The following MUC4 variants were observed in gnomAD, a reference collection of about 807,000 sequenced individuals.
MUC4 encodes the protein mucin 4, cell surface associated, also known as mucin-4.
In MUC4, 202 loss-of-function variants were observed where a neutral mutation model predicts 257.9. The ratio of observed to expected loss-of-function variants is 0.78; its 90% confidence interval spans 0.70 to 0.88. The LOEUF (loss-of-function observed/expected upper bound fraction) is 0.88. Among genes scored for constraint, MUC4 ranks in the 40% least tolerant of loss-of-function variants. MUC4 has a pLI of 0.00. For synonymous variants in MUC4, 2,351 were observed against 2,757.1 expected, an observed-to-expected ratio of 0.85 and a Z score of 4.62; for missense variants, 5,976 against 6,513.7, an observed-to-expected ratio of 0.92 and a Z score of 2.84.
Position 195,781,523 on chromosome 3 carries a change from C to G in MUC4, c.10057G>C (p.Val3353Leu). The G allele has an allele frequency of 2.0e-6, 3 of 1,468,158 alleles. No individual in the cohort carries two copies. The highest frequency in any genetic ancestry group is 2.7e-6 in the Non-Finnish European group (3 of 1,092,336). The allele number at this position is 1,468,158 out of a possible 1,614,324, so 90.9% of individuals were successfully genotyped here. The stretch of plus-strand genomic sequence containing the variant: ...AGAGGGGTGGCGTGACCTGTGGATA[C>G]TGAGGAAGTGTCGGTGACAGGCACA... ...TPVPVTDTSS[V>L]STGHATPLPV... is the part of the protein sequence containing the mutation. Residue 3353 changes from valine (V) to leucine (L), a missense_variant, in exon 2 of 25, where the codon GTA becomes CTA. Coordinates refer to ENST00000463781, the MANE Select transcript of MUC4 (RefSeq NM_018406.7).
At position 195,788,270 on chromosome 3, in the gene MUC4, A is replaced by T. The variant is rs71321850; in HGVS notation, c.3310T>A (p.Ser1104Thr). Residue 1104 changes from serine (S) to threonine (T), a missense_variant, in exon 2 of 25, where the codon TCT (serine) becomes ACT (threonine). Coordinates refer to ENST00000463781, the MANE Select transcript of MUC4 (RefSeq NM_018406.7). ...GAGGAAGTGTCGGTGACAGGAAGAG[A>T]GGTGGCGTGACCTGTGGATGCTGAG... ...TSSASTGHAT[S>T]LPVTDTSSVS... 8.1e-6 allele frequency: 3 copies of T among 369,016 alleles called. No individual in the cohort carries two copies. Among genetic ancestry groups the T allele is most frequent in the Non-Finnish European group, 1.0e-5 (3 of 296,850 alleles). 22.9% of individuals were successfully genotyped at this position (369,016 alleles called of 1,614,324 possible). A position where few individuals can be genotyped will look rare whatever the true frequency, so the allele number is the denominator to read the frequency against.
chr3:195,747,607 G>A (rs1389222512), intron 24 of MUC4, among the ~76,000 whole-genome samples: 3 of 152,280 alleles, frequency 2.0e-5, no homozygotes, highest in African/African-American at 7.2e-5. Context: ...GCTCACGCCT[G>A]TAATCCCAGC....
chr3:195,800,890 GAAAAAAAAA>G (rs59625247), intron 1 of MUC4, among the ~76,000 whole-genome samples: 1 of 91,336 alleles, frequency 1.1e-5, no homozygotes, highest in Non-Finnish European at 2.1e-5. Context: ...CCCCTTCTCT[GAAAAAAAAA>G]AAAAAAAAAA....
Position 195,748,884 on chromosome 3 carries a change from G to A in MUC4, c.16034+18C>T. 1 of 1,546,826 alleles carries A rather than the reference G, an allele frequency of 6.5e-7. No homozygotes were observed. The highest frequency in any genetic ancestry group is 8.7e-7 in the Non-Finnish European group (1 of 1,150,308). On this transcript the variant is annotated intron_variant, in intron 24 of 24. Transcript: ENST00000463781. ...TCCCCAGCACTGTCCTCCACCTCCTGGCCACAGCCCTATGCACCTGCAGCG... is the reference window on the plus strand; with the variant it reads ...TCCCCAGCACTGTCCTCCACCTCCTAGCCACAGCCCTATGCACCTGCAGCG...
chr3:195,746,853 C>T lies in MUC4; in HGVS notation c.*323G>A, dbSNP rs111324201. On this transcript the variant is annotated 3_prime_UTR_variant, in exon 25 of 25. Transcript: ENST00000463781. ...GAGTTTTGTGTGCAGAAGCATTTTG[C>T]TTAACTTAGGGCCATCACCACATTA... 8,251 of 399,784 alleles carry T rather than the reference C, an allele frequency of 0.021. 118 individuals are homozygous for T. Among genetic ancestry groups the T allele is most frequent in the African/African-American group, 0.16 (7,390 of 46,980 alleles). 24.8% of individuals were successfully genotyped at this position (399,784 alleles called of 1,614,324 possible). A position where few individuals can be genotyped will look rare whatever the true frequency, so the allele number is the denominator to read the frequency against.
intron 7 of MUC4, among the ~76,000 whole-genome samples, chr3:195,767,611 G>GCCACCACCATCACCACCACCATCACCA (rs1721250838): frequency 2.0e-4 from 3 of 14,730 alleles, no homozygotes; most frequent in Non-Finnish European, 5.4e-4. Context: ...CATCACCATT[G>GCCACCACCATCACCACCACCATCACCA]CCACCACCAT....
rs547351414 is a variant in MUC4 at position 195,794,379 on chromosome 3, G to T, written c.83-2882C>A. 5.9e-3 allele frequency among the ~76,000 whole-genome samples: 888 copies of T among 150,118 alleles called. 4 individuals carry two copies. Among genetic ancestry groups the T allele is most frequent in the African/African-American group, 0.017 (665 of 39,888 alleles). The stretch of plus-strand genomic sequence containing the variant: ...CTTTTTAAACATATATATATAGAGA[G>T]AGAGAGAGAGAGAAGAAAGAGAGAG... On this transcript the variant is annotated intron_variant, in intron 1 of 24. Coordinates refer to ENST00000463781, the MANE Select transcript of MUC4 (RefSeq NM_018406.7).
chr3:195,750,772 C>T (rs1375926071), intron 23 of MUC4, 117 bp downstream of exon 23: 66 of 984,540 alleles, frequency 6.7e-5, no homozygotes, highest in Middle Eastern at 6.4e-4. Context: ...TTCACGTTTT[C>T]GCTCAAAACC....
rs575797977 is a variant in MUC4, at chr3:195,755,816, C to G, written c.15168+1331G>C. ...CAACCGTCCCTACCTCTATCCCTTT[C>G]GAGTACCCATTCTCTGCTCATGCTT... On this transcript the variant is annotated intron_variant, in intron 18 of 24. Coordinates refer to ENST00000463781, the MANE Select transcript of MUC4 (RefSeq NM_018406.7). The surrounding 1 kb of genome is among the most constrained non-coding windows in gnomAD (Gnocchi z 5.0). Among the ~76,000 whole-genome samples, 1 of 152,066 alleles carries G rather than the reference C, an allele frequency of 6.6e-6. No homozygotes were observed. The highest frequency in any genetic ancestry group is 2.4e-5 in the African/African-American group (1 of 41,408).
intron 7 of MUC4, among the ~76,000 whole-genome samples, chr3:195,767,805 T>TCGC (rs1721632383): frequency 3.0e-5 from 1 of 33,640 alleles, no homozygotes. Flanking sequence ...ACCACCATCA[T>TCGC]CACCACCATC....
chr3:195,770,894 T>A (rs1409150886), intron 5 of MUC4: 4 of 457,546 alleles, frequency 8.7e-6, no homozygotes, highest in Non-Finnish European at 1.8e-5. Flanking sequence ...AGCCTGATTT[T>A]ACAATCAAAG....
Position 195,789,938 on chromosome 3 carries a change from A to G in MUC4, c.1642T>C (p.Tyr548His). Residue 548 changes from tyrosine (Y) to histidine (H), a missense_variant, in exon 2 of 25, where the codon TAC becomes CAC. Tyr to His is a moderately conservative substitution (Grantham distance 83). Around this residue, in one of 44 missense-constraint regions of MUC4, gnomAD observed 1,583 missense variants for 1,257.4 expected, o/e 1.26. Transcript: ENST00000463781. ...AIGEPGEPTT[Y>H]SSHSTTLPKT... Reference sequence around the variant, plus strand: ...GGGAGAGTTGTGCTGTGGGAGGAGTATGTGGTGGGCTCTCCTGGTTCCCCT... The same window carrying G: ...GGGAGAGTTGTGCTGTGGGAGGAGTGTGTGGTGGGCTCTCCTGGTTCCCCT... 9.3e-6 allele frequency: 15 copies of G among 1,613,860 alleles called. No individual in the cohort carries two copies. Among genetic ancestry groups the G allele is most frequent in the Non-Finnish European group, 1.2e-5 (14 of 1,179,844 alleles).
At chr3:195,767,549 TCACCATTACCATTGC>T (rs1721074465) in intron 7 of MUC4, among the ~76,000 whole-genome samples, 1 of 72,548 alleles carries the variant, frequency 1.4e-5, no homozygotes. Context: ...ATCATCACCA[TCACCATTACCATTGC>T]CACCACCATC....
At position 195,788,755 on chromosome 3, in the gene MUC4, A is replaced by T. The variant is rs1412711773; in HGVS notation, c.2825T>A (p.Ile942Asn). The change falls in exon 2 of 25, where the codon ATC becomes AAC. Residue 942 changes from isoleucine to asparagine, a missense_variant. Physicochemically the swap from Ile to Asn is moderately radical, Grantham distance 149. This residue lies in a region of MUC4 where 1,583 missense variants were observed against 1,257.4 expected (regional missense o/e 1.26). Coordinates refer to ENST00000463781, the MANE Select transcript of MUC4 (RefSeq NM_018406.7). ...TGGAGATGTAAGCCCAGTGGATGTG[A>T]TCGATGGAGGTGTGGGTGGGACTGT... ...FSTVPPTPPS[I>N]TSTGLTSPQT... 6.2e-7 allele frequency: 1 copy of T among 1,613,552 alleles called. No individual in the cohort carries two copies. The highest frequency in any genetic ancestry group is 2.2e-5 in the East Asian group (1 of 44,890).
intron 16 of MUC4, among the ~76,000 whole-genome samples, chr3:195,759,935 G>GCACGCACACACACACACACACT (rs1182452846): frequency 2.6e-5 from 3 of 115,902 alleles, no homozygotes; most frequent in Non-Finnish European, 6.4e-5. Flanking sequence ...ACACACACAC[G>GCACGCACACACACACACACACT]CACAAAACCT....
chr3:195,776,471 A>G (rs377731951), intron 3 of MUC4, among the ~76,000 whole-genome samples: 2,173 of 3,466 alleles, frequency 0.63, 490 homozygotes, highest in East Asian at 0.75. Flanking sequence ...CATACCTTCC[A>G]CACCCATACC....
rs984946854 is a variant in MUC4, at chr3:195,771,910, G to A, written c.13078-94C>T. On this transcript the variant is annotated intron_variant, in intron 4 of 24. Transcript: ENST00000463781. ...AGCTCCTCAAAAGCGTGACCCCCAA[G>A]GGTAGAGCTTTAGAGATGCTAACAA... is the stretch of plus-strand genomic sequence containing the variant. The A allele has an allele frequency of 3.6e-6, 5 of 1,405,954 alleles. No homozygotes were observed. In the African/African-American group the frequency reaches 4.3e-5, roughly 12 times the overall value. The allele number at this position is 1,405,954 out of a possible 1,614,324, so 87.1% of individuals were successfully genotyped here. A position where few individuals can be genotyped will look rare whatever the true frequency, so the allele number is the denominator to read the frequency against.
intron 18 of MUC4, among the ~76,000 whole-genome samples, chr3:195,756,422 G>A (rs1479356070): frequency 6.6e-6 from 1 of 152,238 alleles, no homozygotes; most frequent in African/African-American, 2.4e-5. Flanking sequence ...AAAGACGGAG[G>A]TGGAAGTTTC....
At chr3:195,799,320 T>C (rs1735008389) in intron 1 of MUC4, among the ~76,000 whole-genome samples, 1 of 152,082 alleles carries the variant, frequency 6.6e-6, no homozygotes, top group African/African-American at 2.4e-5. Context: ...TTAAACATTT[T>C]TTTTTCCAGA....
Sources: gnomAD v4.1 joint callset for allele counts (sites outside exome capture counted in the v4.1 genomes callset) on GRCh38, gnomAD v4.1.1 for gene constraint, gnomAD v4.1.1 regional missense constraint, Gnocchi (gnomAD v3.1) non-coding constraint, MANE v1.5 for transcripts, NCBI Gene and HGNC (gene_info 2026-07-23, HGNC 2026-07-21) for gene names.